The following VPS37A variants were observed in gnomAD, a reference collection of about 807,000 sequenced individuals.
The protein encoded by VPS37A is VPS37A subunit of ESCRT-I, also known as vacuolar protein sorting-associated protein 37A.
A neutral mutation model predicts 49.8 loss-of-function variants in VPS37A; 30 were observed. The observed-to-expected ratio is 0.60, with a 90% CI of 0.45 to 0.82. The LOEUF (loss-of-function observed/expected upper bound fraction) is 0.82, where lower values mean the gene tolerates loss of function less well. Among genes scored for constraint, VPS37A ranks in the 40% least tolerant of loss-of-function variants. The probability of loss-of-function intolerance (pLI) is 0.00; values close to 1 mark genes in which losing one functional copy is unlikely to be tolerated. For synonymous variants in VPS37A, 195 were observed against 160.6 expected, an observed-to-expected ratio of 1.21 and a Z score of -1.62; for missense variants, 593 against 464.4, an observed-to-expected ratio of 1.28 and a Z score of -2.55.
At chr8:17,306,927 TA>T (rs11310836), downstream of VPS37A, among the ~76,000 whole-genome samples, 104,254 of 152,030 alleles carry the variant, frequency 0.69, 36,384 homozygotes, top group African/African-American at 0.8. Flanking sequence ...CCTAAAACTA[TA>T]AAAAACCCTA....
intron 1 of VPS37A, among the ~76,000 whole-genome samples, chr8:17,249,599 A>G (rs1023728149): frequency 2.0e-5 from 3 of 152,176 alleles, no homozygotes; most frequent in Non-Finnish European, 4.4e-5. Context: ...ATCCTGGAAA[A>G]TGCCACTCAC....
At chr8:17,316,130 T>C in the VPS37A span, among the ~76,000 whole-genome samples, 2 of 152,202 alleles carry the variant, frequency 1.3e-5, no homozygotes, top group African/African-American at 4.8e-5. Flanking sequence ...ACATACTAGC[T>C]ATGTGGGCTT....
intron 1 of VPS37A, among the ~76,000 whole-genome samples, chr8:17,257,050 A>G (rs925193295): frequency 6.6e-6 from 1 of 152,200 alleles, no homozygotes; most frequent in Non-Finnish European, 1.5e-5. Context: ...TAGTAGTTCC[A>G]TAGTTTCAGG....
intron 1 of VPS37A, among the ~76,000 whole-genome samples, chr8:17,251,081 G>A (rs1811930320): frequency 6.6e-6 from 1 of 152,048 alleles, no homozygotes; most frequent in Non-Finnish European, 1.5e-5. Flanking sequence ...TTTTCCCTCT[G>A]CAAGGCCCAT....
At chr8:17,277,479 A>C (rs577619732) in intron 6 of VPS37A, among the ~76,000 whole-genome samples, 1 of 152,108 alleles carries the variant, frequency 6.6e-6, no homozygotes, top group African/African-American at 2.4e-5. Flanking sequence ...AACAACAGCT[A>C]TAAACCCTTT....
Position 17,274,884 on chromosome 8 carries a change from A to G in VPS37A, c.568A>G (p.Lys190Glu), listed in dbSNP as rs1221992168. 6.2e-7 allele frequency: 1 copy of G among 1,613,988 alleles called. No homozygotes were observed. Among genetic ancestry groups the G allele is most frequent in the African/African-American group, 1.3e-5 (1 of 74,914 alleles). Residue 190 changes from lysine (K) to glutamate (E), a missense_variant, in exon 5 of 12, where the codon AAG (lysine) becomes GAG (glutamate). By Grantham distance (56) the Lys-to-Glu change is moderately conservative (BLOSUM62 1). Transcript: ENST00000324849. ...TTCAACAACAAGTCATACCACAGCC[A>G]AGCCTGCCGCTCCTTCATTTGGTGT... is the stretch of plus-strand genomic sequence containing the variant. ...SSSTTSHTTA[K>E]PAAPSFGVLS...
intron 1 of VPS37A, among the ~76,000 whole-genome samples, chr8:17,251,209 C>T (rs187714304): frequency 6.6e-6 from 1 of 152,232 alleles, no homozygotes; most frequent in Admixed American, 6.5e-5. Flanking sequence ...AAGCAGGACT[C>T]TTGGTTAGTG....
chr8:17,250,467 G>C (rs1049425886), intron 1 of VPS37A, among the ~76,000 whole-genome samples: 4 of 152,084 alleles, frequency 2.6e-5, no homozygotes. Flanking sequence ...TGTTACATGA[G>C]GAATATCAAT....
the VPS37A span, among the ~76,000 whole-genome samples, chr8:17,320,930 C>G: frequency 6.6e-6 from 1 of 152,220 alleles, no homozygotes; most frequent in African/African-American, 2.4e-5. Context: ...TACACACATT[C>G]CACTGCGTGA....
rs1272871399 is a variant in VPS37A at position 17,275,029 on chromosome 8, G to A, written c.642+71G>A. 6 of 1,347,986 alleles carry A rather than the reference G, an allele frequency of 4.5e-6. No homozygotes were observed. The Admixed American group carries it at 9.6e-5, about 22-fold the overall frequency. 83.5% of individuals were successfully genotyped at this position (1,347,986 alleles called of 1,614,324 possible). ...TTCAATCCACACACCTTTATTACAT[G>A]CCTCTGTGTGCCAGATAATAAGTTA... is the stretch of plus-strand genomic sequence containing the variant. On this transcript the variant is annotated intron_variant, in intron 5 of 11. Transcript: ENST00000324849.
At chr8:17,287,268 T>G (rs1406514985) in intron 11 of VPS37A, among the ~76,000 whole-genome samples, 1 of 152,204 alleles carries the variant, frequency 6.6e-6, no homozygotes, top group Non-Finnish European at 1.5e-5. Context: ...TGAAGGAAAG[T>G]ACAGTCACCT....
chr8:17,290,232 T>A (rs1394839724), intron 11 of VPS37A, among the ~76,000 whole-genome samples: 1 of 152,206 alleles, frequency 6.6e-6, no homozygotes, highest in African/African-American at 2.4e-5. Context: ...CTTCCAGTAC[T>A]GTGTTGAATA....
chr8:17,290,725 GT>G (rs1816062586), intron 11 of VPS37A, among the ~76,000 whole-genome samples: 1 of 152,056 alleles, frequency 6.6e-6, no homozygotes, highest in South Asian at 2.1e-4. Flanking sequence ...CTCTTTTTCT[GT>G]TGTTTGGAAT....
downstream of VPS37A, among the ~76,000 whole-genome samples, chr8:17,302,760 C>T (rs1164253239): frequency 7.6e-5 from 10 of 131,472 alleles, no homozygotes; most frequent in Admixed American, 8.5e-4. Context: ...TCACCCAAAC[C>T]GAAGTGCAGT....
intron 1 of VPS37A, among the ~76,000 whole-genome samples, chr8:17,250,654 C>G (rs1242387628): frequency 1.3e-5 from 2 of 152,098 alleles, no homozygotes; most frequent in African/African-American, 4.8e-5. Context: ...AATTTTTAAC[C>G]CCTTATAATT....
intron 11 of VPS37A, among the ~76,000 whole-genome samples, chr8:17,294,206 G>T (rs575059413): frequency 3.9e-5 from 6 of 152,182 alleles, no homozygotes; most frequent in Non-Finnish European, 7.3e-5. Flanking sequence ...TGGAGCTGAG[G>T]TGGGCTTTGC....
chr8:17,323,244 G>A, the VPS37A span, among the ~76,000 whole-genome samples: 1 of 152,108 alleles, frequency 6.6e-6, no homozygotes, highest in South Asian at 2.1e-4. Flanking sequence ...ACCACACCCA[G>A]CCAACAGAAT....
chr8:17,307,395 G>C (rs2150476329), downstream of VPS37A, among the ~76,000 whole-genome samples: 1 of 152,302 alleles, frequency 6.6e-6, no homozygotes, highest in African/African-American at 2.4e-5. Context: ...AACAGGTGCT[G>C]GAGAGGATGT....
At chr8:17,326,421 T>C in the VPS37A span, 3 of 152,154 alleles carry the variant, frequency 2.0e-5, no homozygotes, top group Non-Finnish European at 4.4e-5. Context: ...CGATGTGAGG[T>C]GGTTATAATG....
Sources: allele counts gnomAD v4.1 joint callset (sites outside exome capture counted in the v4.1 genomes callset), GRCh38; gene constraint gnomAD v4.1.1; transcripts MANE v1.5; gene names NCBI Gene and HGNC (gene_info 2026-07-23, HGNC 2026-07-21).